RAI14: variants seen among roughly 807,000 people sequenced by gnomAD.
RAI14 encodes the protein retinoic acid induced 14, also known as ankycorbin.
Under a neutral mutation model 115.4 loss-of-function variants are expected in RAI14, and 45 were observed. That is an observed-to-expected ratio of 0.39 (90% CI 0.31 to 0.50). The LOEUF (loss-of-function observed/expected upper bound fraction) is 0.50, where lower values mean the gene tolerates loss of function less well. Among genes scored for constraint, RAI14 ranks in the 20% least tolerant of loss-of-function variants. RAI14 has a pLI of 0.85. For missense variants in RAI14, 939 were observed against 1,131.2 expected, an observed-to-expected ratio of 0.83 and a Z score of 2.44; for synonymous variants, 371 against 415.4, an observed-to-expected ratio of 0.89 and a Z score of 1.30.
chr5:34,794,794 A>G (rs190763336), intron 3 of RAI14, among the ~76,000 whole-genome samples: 1 of 152,360 alleles, frequency 6.6e-6, no homozygotes, highest in Admixed American at 6.5e-5. Flanking sequence ...CAGGTTATTA[A>G]GAGGTCTGGA....
intron 3 of RAI14, among the ~76,000 whole-genome samples, chr5:34,783,648 A>G (rs919235356): frequency 3.3e-5 from 5 of 152,110 alleles, no homozygotes; most frequent in East Asian, 3.9e-4. Flanking sequence ...ACGAGATTCA[A>G]TTGCATATGT....
At chr5:34,795,846 C>T (rs1320788800) in intron 3 of RAI14, 93 bp from the exon 4 acceptor site, 4 of 907,894 alleles carry the variant, frequency 4.4e-6, no homozygotes, top group Non-Finnish European at 5.0e-6. Flanking sequence ...AGAAAGTGTA[C>T]ATGAAATGGC....
chr5:34,719,185 A>G (rs781136176), intron 2 of RAI14, among the ~76,000 whole-genome samples: 2 of 152,202 alleles, frequency 1.3e-5, no homozygotes, highest in Non-Finnish European at 1.5e-5. Flanking sequence ...TTCCCTCAGC[A>G]TCTGACGGAT....
At chr5:34,822,818 G>A in intron 14 of RAI14, 138 bp from the exon 15 acceptor site, 1 of 667,102 alleles carries the variant, frequency 1.5e-6, no homozygotes, top group African/African-American at 1.8e-5. Flanking sequence ...CGAGTAGCTG[G>A]GATCACAGGC....
At chr5:34,814,493 T>C (rs930031420) in intron 11 of RAI14, 90 bp from the exon 12 acceptor site, 3 of 912,940 alleles carry the variant, frequency 3.3e-6, no homozygotes, top group African/African-American at 3.3e-5. Flanking sequence ...TTTCATTGCA[T>C]TGGTTAAACA....
Position 34,815,738 on chromosome 5 carries a change from G to A in RAI14, c.939+1069G>A, listed in dbSNP as rs566593865. On this transcript the variant is annotated intron_variant, in intron 12 of 17. Transcript: ENST00000265109. The stretch of plus-strand genomic sequence containing the variant: ...GTTCAAGAGATCCATGGTACAACAT[G>A]GTGACTATAGTTAATAACAATGCAT... Among the ~76,000 whole-genome samples, 4 of 152,266 alleles carry A rather than the reference G, an allele frequency of 2.6e-5. No individual in the cohort carries two copies. The South Asian group carries it at 8.3e-4, about 32-fold the overall frequency.
chr5:34,816,982 A>C (rs1275747950), intron 12 of RAI14, among the ~76,000 whole-genome samples: 1 of 152,126 alleles, frequency 6.6e-6, no homozygotes, highest in Admixed American at 6.6e-5. Context: ...GACAAAAGTG[A>C]TATCTAGGCC....
intron 5 of RAI14, among the ~76,000 whole-genome samples, chr5:34,807,018 C>G (rs981090467): frequency 6.6e-6 from 1 of 152,174 alleles, no homozygotes; most frequent in Non-Finnish European, 1.5e-5. Flanking sequence ...GGACATAAAG[C>G]AGTTCTTTGA....
intron 2 of RAI14, among the ~76,000 whole-genome samples, chr5:34,691,684 G>A (rs1738620852): frequency 1.3e-5 from 2 of 152,252 alleles, no homozygotes; most frequent in East Asian, 1.9e-4. Flanking sequence ...AAACGTGATC[G>A]AGGGCTTCAC....
At chr5:34,746,098 C>G (rs1412358369) in intron 2 of RAI14, among the ~76,000 whole-genome samples, 7 of 133,124 alleles carry the variant, frequency 5.3e-5, no homozygotes, top group African/African-American at 1.7e-4. Flanking sequence ...CCCTCCCCCC[C>G]CCGCCTTTTT....
rs372069521 is a variant in RAI14 at position 34,757,546 on chromosome 5, C to A, written c.115C>A (p.Leu39Ile). 81 of 1,613,780 alleles carry A rather than the reference C, an allele frequency of 5.0e-5. No individual in the cohort carries two copies. Among genetic ancestry groups the A allele is most frequent in the Non-Finnish European group, 6.3e-5 (74 of 1,180,000 alleles). ...AGATGCGGAGAAGGTGGCCTCACTG[C>A]TCGGCAAGAAGGGGGCCAGTGCCAC... is the stretch of plus-strand genomic sequence containing the variant. ...NGDAEKVASL[L>I]GKKGASATKH... The change falls in exon 3 of 18, where the codon CTC becomes ATC. Residue 39 changes from leucine (L) to isoleucine (I), a missense_variant. By Grantham distance (5) the Leu-to-Ile change is conservative. Coordinates refer to ENST00000265109, the MANE Select transcript of RAI14 (RefSeq NM_015577.3).
At chr5:34,702,025 G>A (rs1740138517) in intron 2 of RAI14, among the ~76,000 whole-genome samples, 1 of 152,040 alleles carries the variant, frequency 6.6e-6, no homozygotes, top group Admixed American at 6.5e-5. Flanking sequence ...TGTTGCCCAG[G>A]CTGGTCTTGA....
chr5:34,790,347 C>T (rs1051581049), intron 3 of RAI14, among the ~76,000 whole-genome samples: 16 of 152,332 alleles, frequency 1.1e-4, no homozygotes, highest in African/African-American at 3.8e-4. Flanking sequence ...TGTTAGGGAA[C>T]TGCCAACAAA....
At chr5:34,732,439 A>T (rs1274898808) in intron 2 of RAI14, among the ~76,000 whole-genome samples, 3 of 133,894 alleles carry the variant, frequency 2.2e-5, no homozygotes, top group African/African-American at 8.3e-5. Flanking sequence ...ACCATGCTTG[A>T]TTTTTTTTTT....
At chr5:34,736,158 T>C (rs1185813092) in intron 2 of RAI14, among the ~76,000 whole-genome samples, 1 of 152,210 alleles carries the variant, frequency 6.6e-6, no homozygotes, top group Non-Finnish European at 1.5e-5. Context: ...CCCAGCACTT[T>C]CGGAGGCCAA....
In RAI14 at chr5:34,824,208, A is replaced by T; in HGVS notation, c.2366A>T (p.Tyr789Phe). The T allele has an allele frequency of 6.2e-7, 1 of 1,614,220 alleles. No individual in the cohort carries two copies. ...MTDAMVPRSS[Y>F]EKLQSSLESE... ...GATGCAATGGTACCTCGGTCTTCCT[A>T]TGAAAAACTCCAGTCATCCTTAGAG... Residue 789 changes from tyrosine to phenylalanine, a missense_variant, in exon 15 of 18, where the codon TAT becomes TTT. Tyr to Phe is a conservative substitution (Grantham distance 22). Coordinates refer to ENST00000265109, the MANE Select transcript of RAI14 (RefSeq NM_015577.3).
At chr5:34,706,900 A>G (rs1740757550) in intron 2 of RAI14, among the ~76,000 whole-genome samples, 2 of 152,194 alleles carry the variant, frequency 1.3e-5, no homozygotes, top group Admixed American at 6.5e-5. Context: ...ACAAGAGGCA[A>G]TAACTGAGTC....
chr5:34,687,067 A>T, intron 2 of RAI14, 112 bp downstream of exon 2: 1 of 1,159,188 alleles, frequency 8.6e-7, no homozygotes, highest in Non-Finnish European at 1.3e-6. Flanking sequence ...ACAGACACTC[A>T]AGTGCTCTTG....
At position 34,712,205 on chromosome 5, in the gene RAI14, C is replaced by T. The variant is rs146660723; in HGVS notation, c.36+25250C>T. 1.6e-4 allele frequency among the ~76,000 whole-genome samples: 24 copies of T among 152,316 alleles called. No individual in the cohort carries two copies. The East Asian group carries it at 4.4e-3, about 28-fold the overall frequency. On this transcript the variant is annotated intron_variant, in intron 2 of 17. Coordinates refer to ENST00000265109, the MANE Select transcript of RAI14 (RefSeq NM_015577.3). ...TATTGATATATCCCCAAATTTGGAA[C>T]TTTATGAGTTTCGTTTAAGTTATAA...
Sources: gnomAD v4.1 joint callset for allele counts (sites outside exome capture counted in the v4.1 genomes callset) on GRCh38, gnomAD v4.1.1 for gene constraint, MANE v1.5 for transcripts, NCBI Gene and HGNC (gene_info 2026-07-23, HGNC 2026-07-21) for gene names.